The following NELL1 variants were observed in gnomAD, a reference collection of about 807,000 sequenced individuals.
NELL1 encodes neural EGFL like 1.
NELL1 carries 76 observed loss-of-function variants against 107.4 expected under a neutral mutation model. The ratio of observed to expected loss-of-function variants is 0.71; its 90% CI spans 0.59 to 0.86. The LOEUF (loss-of-function observed/expected upper bound fraction) is 0.86, where lower values mean the gene tolerates loss of function less well. NELL1 is among the 40% of genes least tolerant of loss of function. The pLI, the probability that NELL1 is intolerant of heterozygous loss-of-function variation, is 0.00. For synonymous variants in NELL1, 353 were observed against 341.2 expected (o/e 1.03, Z -0.38); for missense variants, 1,024 against 1,005.5 (o/e 1.02, Z -0.25).
intron 12 of NELL1, among the ~76,000 whole-genome samples, chr11:21,085,667 A>C (rs1422825143): frequency 6.6e-6 from 1 of 152,180 alleles, no homozygotes; most frequent in Non-Finnish European, 1.5e-5. Flanking sequence ...TTTTCTAGTC[A>C]GGGGACAACA....
chr11:21,573,215 T>C lies in NELL1; in HGVS notation c.2188T>C (p.Cys730Arg). Reference sequence around the variant, plus strand: ...AGAGGTAGATTGCTGGCCACTCACTTGCCCCAACTTGAGCTGTGAGTATAC... The same window carrying C: ...AGAGGTAGATTGCTGGCCACTCACTCGCCCCAACTTGAGCTGTGAGTATAC... Reference protein sequence around the residue: ...EGEVDCWPLTCPNLSCEYTAI... With the variant: ...EGEVDCWPLTRPNLSCEYTAI... The change falls in exon 19 of 20, where the codon TGC becomes CGC. Residue 730 changes from cysteine (C) to arginine (R), a missense_variant. Transcript: ENST00000357134. 1 of 1,612,156 alleles carries C rather than the reference T, an allele frequency of 6.2e-7. No individual in the cohort carries two copies. The highest frequency in any genetic ancestry group is 8.5e-7 in the Non-Finnish European group (1 of 1,178,806).
chr11:20,834,026 G>C (rs962812688), intron 3 of NELL1, among the ~76,000 whole-genome samples: 1 of 152,192 alleles, frequency 6.6e-6, no homozygotes, highest in Non-Finnish European at 1.5e-5. Flanking sequence ...GGGGGTGCTT[G>C]GAAGAAGTCG....
chr11:21,335,202 T>C (rs1421255836), intron 14 of NELL1, among the ~76,000 whole-genome samples: 11 of 152,190 alleles, frequency 7.2e-5, no homozygotes, highest in Admixed American at 3.3e-4. Context: ...TTCTGAATTT[T>C]ATTCATTCTA....
intron 14 of NELL1, among the ~76,000 whole-genome samples, chr11:21,299,896 T>C (rs1336333739): frequency 6.6e-6 from 1 of 151,964 alleles, no homozygotes; most frequent in Admixed American, 6.6e-5. Context: ...CATCATTTGC[T>C]CCCATGCCAT....
intron 12 of NELL1, among the ~76,000 whole-genome samples, chr11:20,994,327 C>A (rs567608940): frequency 6.6e-6 from 1 of 152,078 alleles, no homozygotes; most frequent in African/African-American, 2.4e-5. Flanking sequence ...GTCAAAGCTG[C>A]GGTAAAAGAA....
intron 3 of NELL1, among the ~76,000 whole-genome samples, chr11:20,795,157 C>G (rs1857145976): frequency 6.6e-6 from 1 of 152,190 alleles, no homozygotes; most frequent in African/African-American, 2.4e-5. Flanking sequence ...AGTTAGAACT[C>G]TTGGGAGTTT....
Position 21,360,084 on chromosome 11 carries a change from C to A in NELL1, c.1550-10769C>A, listed in dbSNP as rs756980241. On this transcript the variant is annotated intron_variant, in intron 14 of 19. Coordinates refer to ENST00000357134, the MANE Select transcript of NELL1 (RefSeq NM_006157.5). ...AGTTCCTTGAAGTGTGATCTTAGAT[C>A]ATCTATTTGTGCTCTTTCAGACTTT... 2.2e-4 allele frequency among the ~76,000 whole-genome samples: 33 copies of A among 151,868 alleles called. 1 individual carries two copies. Among genetic ancestry groups the A allele is most frequent in the Non-Finnish European group, 4.7e-4 (32 of 67,928 alleles).
Position 21,258,053 on chromosome 11 carries a change from C to T in NELL1, c.1549+28599C>T, listed in dbSNP as rs190118337. Among the ~76,000 whole-genome samples the T allele has an allele frequency of 2.7e-4, 41 of 152,082 alleles. 1 individual carries two copies. Among genetic ancestry groups the T allele is most frequent in the Admixed American group, 9.2e-4 (14 of 15,272 alleles). ...ACTGTAAGTGCTCAACTACAGGAGA[C>T]GCCCGAAGTGGAGAAGAAGTTAAAA... On this transcript the variant is annotated intron_variant, in intron 14 of 19. Transcript: ENST00000357134.
chr11:21,049,192 G>A (rs557964188), intron 12 of NELL1, among the ~76,000 whole-genome samples: 4 of 152,170 alleles, frequency 2.6e-5, no homozygotes, highest in East Asian at 1.9e-4. Context: ...ATCCTATTCC[G>A]ACAGAGGCAG....
chr11:20,711,004 T>A (rs562391927), intron 2 of NELL1, among the ~76,000 whole-genome samples: 26 of 152,228 alleles, frequency 1.7e-4, no homozygotes, highest in African/African-American at 6.0e-4. Flanking sequence ...TTTTTTTGTA[T>A]TTTTTTGTTT....
chr11:21,238,346 A>C (rs1309835730), intron 14 of NELL1, among the ~76,000 whole-genome samples: 1 of 152,058 alleles, frequency 6.6e-6, no homozygotes, highest in Non-Finnish European at 1.5e-5. Context: ...AAAAAAGTAG[A>C]TGTAGAATTT....
chr11:20,674,924 T>C (rs1175945457), intron 1 of NELL1, among the ~76,000 whole-genome samples: 1 of 152,180 alleles, frequency 6.6e-6, no homozygotes, highest in Non-Finnish European at 1.5e-5. Flanking sequence ...AATAATTTTG[T>C]ATAACAAATA....
intron 14 of NELL1, among the ~76,000 whole-genome samples, chr11:21,353,726 T>G (rs1420931723): frequency 6.6e-6 from 1 of 152,204 alleles, no homozygotes; most frequent in Non-Finnish European, 1.5e-5. Flanking sequence ...TATATGCTTT[T>G]GAATTCTACA....
chr11:21,485,648 A>G (rs1854607796), intron 15 of NELL1, among the ~76,000 whole-genome samples: 1 of 151,780 alleles, frequency 6.6e-6, no homozygotes, highest in South Asian at 2.1e-4. Flanking sequence ...TCCCACTGAG[A>G]GTGGCCCCGC....
At chr11:21,553,546 A>G (rs1384309045) in intron 16 of NELL1, among the ~76,000 whole-genome samples, 4 of 151,990 alleles carry the variant, frequency 2.6e-5, no homozygotes, top group African/African-American at 9.6e-5. Flanking sequence ...AAGTAATCAT[A>G]TCAAATTGGA....
chr11:21,038,471 C>T (rs961209413), intron 12 of NELL1, among the ~76,000 whole-genome samples: 2 of 152,146 alleles, frequency 1.3e-5, no homozygotes, highest in African/African-American at 4.8e-5. Context: ...CCAAGGGTAA[C>T]TTCTACTAGA....
At chr11:21,506,117 C>A (rs1855272142) in intron 15 of NELL1, among the ~76,000 whole-genome samples, 1 of 152,190 alleles carries the variant, frequency 6.6e-6, no homozygotes, top group South Asian at 2.1e-4. Context: ...AGTATCCTAT[C>A]TTAAAATAAT....
chr11:21,241,897 T>C (rs979009750), intron 14 of NELL1, among the ~76,000 whole-genome samples: 15 of 122,578 alleles, frequency 1.2e-4, no homozygotes, highest in Admixed American at 1.1e-3. Context: ...ATTCGATGTC[T>C]GTTTCTATTT....
At chr11:21,304,052 C>G (rs555995970) in intron 14 of NELL1, among the ~76,000 whole-genome samples, 12 of 152,132 alleles carry the variant, frequency 7.9e-5, no homozygotes, top group Non-Finnish European at 1.6e-4. Flanking sequence ...TACTCTTGCA[C>G]TGGGGATTAA....
Sources: allele counts gnomAD v4.1 joint callset (sites outside exome capture counted in the v4.1 genomes callset), GRCh38; gene constraint gnomAD v4.1.1; transcripts MANE v1.5; gene names NCBI Gene and HGNC (gene_info 2026-07-23, HGNC 2026-07-21).